Variants in IL15RA observed in about 807,000 individuals in gnomAD.
IL15RA encodes interleukin-15 receptor subunit alpha.
IL15RA carries 26 observed loss-of-function variants against 24.2 expected under a neutral mutation model. The ratio of observed to expected loss-of-function variants is 1.07; its 90% CI spans 0.79 to 1.49. The LOEUF is 1.49. Ranked by LOEUF, IL15RA falls within the 40% of genes most tolerant of loss-of-function variation. The pLI is 0.00. For synonymous variants in IL15RA, 166 were observed against 157.6 expected, an observed-to-expected ratio of 1.05 and a Z score of -0.40; for missense variants, 354 against 356.4, an observed-to-expected ratio of 0.99 and a Z score of 0.05.
chr10:5,955,607 T>TA lies in IL15RA; in HGVS notation c.692+771dup, dbSNP rs1023925803. On this transcript the variant is annotated intron_variant, in intron 6 of 6. Coordinates refer to ENST00000379977, the MANE Select transcript of IL15RA (RefSeq NM_002189.4). This position sits in a 1 kb window ranked among gnomAD's most constrained non-coding sequence, Gnocchi z 5.3. The stretch of plus-strand genomic sequence containing the variant: ...AAGAATAATAATACTGCCTAAAGAT[T>TA]AAAAAAATGAGAAAAATTAAAAAAG... Among the ~76,000 whole-genome samples, 30 of 152,074 alleles carry TA rather than the reference T, an allele frequency of 2.0e-4. No homozygotes were observed. Among genetic ancestry groups the TA allele is most frequent in the African/African-American group, 6.5e-4 (27 of 41,486 alleles).
At position 5,977,486 on chromosome 10, in the gene IL15RA, G is replaced by A. The variant is rs1410804676; in HGVS notation, c.7C>T (p.Pro3Ser). Residue 3 changes from proline (P) to serine (S), a missense_variant, in exon 1 of 7, where the codon CCG (proline) becomes TCG (serine). Coordinates refer to ENST00000379977, the MANE Select transcript of IL15RA (RefSeq NM_002189.4). MA[P>S]RRARGCRTLG... ...GTCCGGCAGCCGCGCGCCCGCCGCG[G>A]GGCCATGGCGGCAGCTCCACAGGAC... 8 of 1,355,680 alleles carry A rather than the reference G, an allele frequency of 5.9e-6. No individual in the cohort carries two copies. Among genetic ancestry groups the A allele is most frequent in the African/African-American group, 4.6e-5 (3 of 65,752 alleles). 84.0% of individuals were successfully genotyped at this position (1,355,680 alleles called of 1,614,324 possible).
At chr10:5,954,224 T>C (rs1247682566) in intron 6 of IL15RA, among the ~76,000 whole-genome samples, 2 of 143,512 alleles carry the variant, frequency 1.4e-5, no homozygotes, top group African/African-American at 5.3e-5. Flanking sequence ...CAGGCTGGAG[T>C]GCAGTGGTGT....
At position 5,959,570 on chromosome 10, in the gene IL15RA, C is replaced by T. The variant is rs563320054; in HGVS notation, c.616+184G>A. ...CTACCAATATTTAGAAAAATGGGCA[C>T]ATCAAACAGAGAATTCCATAAATCA... On this transcript the variant is annotated intron_variant, in intron 5 of 6. Transcript: ENST00000379977. This position sits in a 1 kb window ranked among gnomAD's most constrained non-coding sequence, Gnocchi z 4.1. 3.3e-5 allele frequency among the ~76,000 whole-genome samples: 5 copies of T among 152,324 alleles called. No individual in the cohort carries two copies. Among genetic ancestry groups the T allele is most frequent in the Admixed American group, 1.3e-4 (2 of 15,298 alleles).
rs533662376 is a variant in IL15RA, at chr10:5,957,566, G to A, written c.617-1112C>T. Among the ~76,000 whole-genome samples, 547 of 150,120 alleles carry A rather than the reference G, an allele frequency of 3.6e-3. 1 individual carries two copies. Among genetic ancestry groups the A allele is most frequent in the Non-Finnish European group, 5.8e-3 (390 of 67,778 alleles). ...TGGGATTACAGGCGTGAACCACCACGCCTGGCCAACTTTTTCTTTTCTTCT... is the reference window on the plus strand; with the variant it reads ...TGGGATTACAGGCGTGAACCACCACACCTGGCCAACTTTTTCTTTTCTTCT... On this transcript the variant is annotated intron_variant, in intron 5 of 6. Coordinates refer to ENST00000379977, the MANE Select transcript of IL15RA (RefSeq NM_002189.4).
At chr10:5,976,305 G>A (rs866415707) in intron 1 of IL15RA, among the ~76,000 whole-genome samples, 5 of 152,302 alleles carry the variant, frequency 3.3e-5, no homozygotes, top group Admixed American at 2.0e-4. Flanking sequence ...GGGGCGTTCA[G>A]GCCACACCAG....
At chr10:5,949,266 G>T (rs1221542321), downstream of IL15RA, 1 of 471,098 alleles carries the variant, frequency 2.1e-6, no homozygotes, top group African/African-American at 2.0e-5. This position sits in a 1 kb window ranked among gnomAD's most constrained non-coding sequence, Gnocchi z 4.4. Flanking sequence ...AGGGACGGAC[G>T]GTTTCAGGAG....
upstream of IL15RA, among the ~76,000 whole-genome samples, chr10:5,978,530 C>T (rs1049537725): frequency 6.6e-6 from 1 of 152,168 alleles, no homozygotes; most frequent in African/African-American, 2.4e-5. The surrounding 1 kb of genome is among the most constrained non-coding windows in gnomAD (Gnocchi z 5.2). Flanking sequence ...ATAATCTGTA[C>T]AATAATCCCC....
In IL15RA at chr10:5,953,941, G is replaced by C. The variant is rs1348174425; in HGVS notation, c.693-735C>G. On this transcript the variant is annotated intron_variant, in intron 6 of 6. Transcript: ENST00000379977. This position sits in a 1 kb window ranked among gnomAD's most constrained non-coding sequence, Gnocchi z 5.3. Reference sequence around the variant, plus strand: ...CCAGGGCTGGTGAAATGTCCCTCCGGAGGAGCAGCAGCTCTTTAGGCCATT... The same window carrying C: ...CCAGGGCTGGTGAAATGTCCCTCCGCAGGAGCAGCAGCTCTTTAGGCCATT... 6.5e-6 allele frequency: 1 copy of C among 153,478 alleles called. No individual in the cohort carries two copies. The highest frequency in any genetic ancestry group is 1.5e-5 in the Non-Finnish European group (1 of 68,954). The allele number at this position is 153,478 out of a possible 1,614,324, so 9.5% of individuals were successfully genotyped here. A position where few individuals can be genotyped will look rare whatever the true frequency, so the allele number is the denominator to read the frequency against.
In IL15RA at chr10:5,958,168, G is replaced by T; in HGVS notation, c.616+1586C>A. ...GGAATATTCTGTAGCTGTTAAAAAC[G>T]ATGAGATGGTTTTTGTGTCCTGATA... On this transcript the variant is annotated intron_variant, in intron 5 of 6. Transcript: ENST00000379977. This position sits in a 1 kb window ranked among gnomAD's most constrained non-coding sequence, Gnocchi z 4.3. 1 of 326,988 alleles carries T rather than the reference G, an allele frequency of 3.1e-6. No individual in the cohort carries two copies. Among genetic ancestry groups the T allele is most frequent in the South Asian group, 2.4e-5 (1 of 42,336 alleles). The allele number at this position is 326,988 out of a possible 1,614,324, so 20.3% of individuals were successfully genotyped here.
At chr10:5,957,163 G>A (rs1379840599) in intron 5 of IL15RA, among the ~76,000 whole-genome samples, 1 of 151,682 alleles carries the variant, frequency 6.6e-6, no homozygotes, top group African/African-American at 2.4e-5. Flanking sequence ...GTTTCACCAT[G>A]TTGGCCAGGC....
chr10:5,965,245 C>T lies in IL15RA; in HGVS notation c.283+900G>A, dbSNP rs1836315166. ...AGACAGTTAAAAAAAAAAGTTGATT[C>T]TTGCCACCTTCCCTCACCCCTGCTG... On this transcript the variant is annotated intron_variant, in intron 2 of 6. Transcript: ENST00000379977. This position sits in a 1 kb window ranked among gnomAD's most constrained non-coding sequence, Gnocchi z 5.8. Among the ~76,000 whole-genome samples, 1 of 151,504 alleles carries T rather than the reference C, an allele frequency of 6.6e-6. No homozygotes were observed. Among genetic ancestry groups the T allele is most frequent in the African/African-American group, 2.4e-5 (1 of 41,206 alleles).
At chr10:5,949,347 G>T (rs1411371400), downstream of IL15RA, 1 of 471,068 alleles carries the variant, frequency 2.1e-6, no homozygotes. The surrounding 1 kb of genome is among the most constrained non-coding windows in gnomAD (Gnocchi z 4.4). Context: ...AGTCACTTAG[G>T]GAAGTAAAGT....
In IL15RA at chr10:5,960,423, G is replaced by C. The variant is rs181646727; in HGVS notation, c.527C>G (p.Ser176Cys). The C allele has an allele frequency of 6.2e-7, 1 of 1,614,162 alleles. No individual in the cohort carries two copies. The highest frequency in any genetic ancestry group is 8.5e-7 in the Non-Finnish European group (1 of 1,180,014). Reference protein sequence around the residue: ...SSHESSHGTPSQTTAKNWELT... With the variant: ...SSHESSHGTPCQTTAKNWELT... ...TTCCCAGTTCTTGGCTGTTGTCTGA[G>C]AGGGGGTGCCGTGGGAGGACTCATG... Residue 176 changes from serine (S) to cysteine (C), a missense_variant, in exon 4 of 7, where the codon TCT (serine) becomes TGT (cysteine). Coordinates refer to ENST00000379977, the MANE Select transcript of IL15RA (RefSeq NM_002189.4). The surrounding 1 kb of genome is among the most constrained non-coding windows in gnomAD (Gnocchi z 5.1).
intron 5 of IL15RA, 145 bp from the exon 6 acceptor site, chr10:5,956,599 A>G (rs1834551524): frequency 1.1e-5 from 7 of 659,550 alleles, no homozygotes; most frequent in Non-Finnish European, 1.9e-5. Flanking sequence ...AGGTCCATGC[A>G]ATTCCCCCGA....
upstream of IL15RA, among the ~76,000 whole-genome samples, chr10:5,978,687 G>C (rs961188262): frequency 2.0e-5 from 3 of 152,196 alleles, no homozygotes; most frequent in African/African-American, 7.2e-5. The surrounding 1 kb of genome is among the most constrained non-coding windows in gnomAD (Gnocchi z 5.2). Context: ...CCTGAAGTCA[G>C]GAATTCGAGA....
rs911602811 is a variant in IL15RA, at chr10:5,955,809, G to T, written c.692+570C>A. Among the ~76,000 whole-genome samples, 1 of 152,166 alleles carries T rather than the reference G, an allele frequency of 6.6e-6. No individual in the cohort carries two copies. The highest frequency in any genetic ancestry group is 2.4e-5 in the African/African-American group (1 of 41,434). ...TATCACAAGAAGAATGGGTAGGACT[G>T]CACGCGTTGGCCACCTGGTGCACTT... On this transcript the variant is annotated intron_variant, in intron 6 of 6. Coordinates refer to ENST00000379977, the MANE Select transcript of IL15RA (RefSeq NM_002189.4). This position sits in a 1 kb window ranked among gnomAD's most constrained non-coding sequence, Gnocchi z 5.3.
chr10:5,958,703 G>A lies in IL15RA; in HGVS notation c.616+1051C>T, dbSNP rs1222105404. Among the ~76,000 whole-genome samples the A allele has an allele frequency of 1.3e-5, 2 of 152,026 alleles. No individual in the cohort carries two copies. The highest frequency in any genetic ancestry group is 1.9e-4 in the East Asian group (1 of 5,190). ...CGCCCAGCCTGATTGTTTTTTAAAC[G>A]ATTCTAATCAATTAACTGCTAAAAT... On this transcript the variant is annotated intron_variant, in intron 5 of 6. Coordinates refer to ENST00000379977, the MANE Select transcript of IL15RA (RefSeq NM_002189.4). The surrounding 1 kb of genome is among the most constrained non-coding windows in gnomAD (Gnocchi z 4.3).
intron 1 of IL15RA, among the ~76,000 whole-genome samples, chr10:5,974,909 AAAAT>A (rs1022206573): frequency 2.0e-5 from 3 of 151,740 alleles, no homozygotes; most frequent in Admixed American, 6.6e-5. Context: ...ATAAAAATTA[AAAAT>A]AAATAAATAA....
rs2132693672 is a variant in IL15RA at position 5,973,727 on chromosome 10, C to T, written c.88+3678G>A. 6.6e-6 allele frequency among the ~76,000 whole-genome samples: 1 copy of T among 152,278 alleles called. No homozygotes were observed. The highest frequency in any genetic ancestry group is 2.1e-4 in the South Asian group (1 of 4,822). ...TAAAGCTATAAAACTTCTAGAGGAA[C>T]ACATAGAAGTAAACCTTTGTAACCT... On this transcript the variant is annotated intron_variant, in intron 1 of 6. Transcript: ENST00000379977. The surrounding 1 kb of genome is among the most constrained non-coding windows in gnomAD (Gnocchi z 4.5).
Sources: gnomAD v4.1 joint callset for allele counts (sites outside exome capture counted in the v4.1 genomes callset) on GRCh38, gnomAD v4.1.1 for gene constraint, Gnocchi (gnomAD v3.1) non-coding constraint, MANE v1.5 for transcripts, NCBI Gene and HGNC (gene_info 2026-07-23, HGNC 2026-07-21) for gene names.